The following KBTBD12 variants were observed in gnomAD, a reference collection of about 807,000 sequenced individuals.
KBTBD12 encodes the protein kelch repeat and BTB domain containing 12, also known as kelch repeat and BTB domain-containing protein 12.
KBTBD12 carries 53 observed loss-of-function variants against 58.7 expected under a neutral mutation model. That is an observed-to-expected ratio of 0.90 (90% CI 0.72 to 1.14). KBTBD12 has a LOEUF of 1.14. KBTBD12 is among the 50% of genes most tolerant of loss of function. The probability of loss-of-function intolerance (pLI) is 0.00; values close to 1 mark genes in which losing one functional copy is unlikely to be tolerated. For synonymous variants in KBTBD12, 236 were observed against 259.8 expected, an observed-to-expected ratio of 0.91 and a Z score of 0.88; for missense variants, 704 against 751.3, an observed-to-expected ratio of 0.94 and a Z score of 0.74.
Position 127,984,520 on chromosome 3 carries a change from C to T in KBTBD12, c.*242C>T, listed in dbSNP as rs1253113471. On this transcript the variant is annotated 3_prime_UTR_variant, in exon 6 of 6. Transcript: ENST00000405109. ...GGTGATGACGGCCACAGGAGGGGCA[C>T]AGGGCCACAGGAGAGCAGCAGAGGG... is the stretch of plus-strand genomic sequence containing the variant. 1.5e-5 allele frequency: 6 copies of T among 397,654 alleles called. No individual in the cohort carries two copies. The allele number at this position is 397,654 out of a possible 1,614,324, so 24.6% of individuals were successfully genotyped here. A position where few individuals can be genotyped will look rare whatever the true frequency, so the allele number is the denominator to read the frequency against.
chr3:127,939,057 A>G (rs1939886683), intron 4 of KBTBD12, among the ~76,000 whole-genome samples: 1 of 152,218 alleles, frequency 6.6e-6, no homozygotes, highest in African/African-American at 2.4e-5. Flanking sequence ...TGGCTCCGGC[A>G]TGAGTTACTG....
chr3:127,934,007 C>T (rs1000909775), intron 4 of KBTBD12, among the ~76,000 whole-genome samples: 1 of 151,234 alleles, frequency 6.6e-6, no homozygotes, highest in Non-Finnish European at 1.5e-5. Flanking sequence ...TGCCCAGTAC[C>T]AACAAAAAAT....
At chr3:127,955,103 C>T (rs1043178748) in intron 4 of KBTBD12, among the ~76,000 whole-genome samples, 2 of 152,234 alleles carry the variant, frequency 1.3e-5, no homozygotes, top group South Asian at 4.1e-4. Flanking sequence ...TGCATTTTCA[C>T]ATCTCTGTAA....
intron 4 of KBTBD12, among the ~76,000 whole-genome samples, chr3:127,954,512 C>T (rs553848878): frequency 4.6e-4 from 70 of 152,160 alleles, no homozygotes; most frequent in Non-Finnish European, 7.6e-4. Flanking sequence ...AGATCTCATA[C>T]TATTAGTTAT....
intron 5 of KBTBD12, among the ~76,000 whole-genome samples, chr3:127,979,885 A>G (rs1350755240): frequency 6.6e-6 from 1 of 152,268 alleles, no homozygotes; most frequent in Non-Finnish European, 1.5e-5. Context: ...AATACAAATT[A>G]TAGAAGTAAT....
intron 5 of KBTBD12, among the ~76,000 whole-genome samples, chr3:127,983,817 T>C (rs1439218978): frequency 1.3e-5 from 2 of 152,138 alleles, no homozygotes; most frequent in Non-Finnish European, 2.9e-5. Context: ...AGTGACCTCT[T>C]TGCAAATGCC....
chr3:127,974,872 G>A (rs1392994525), intron 5 of KBTBD12, among the ~76,000 whole-genome samples: 9 of 152,036 alleles, frequency 5.9e-5, no homozygotes, highest in East Asian at 3.9e-4. Flanking sequence ...TCAGCTACTC[G>A]GGAGGCAGGA....
At chr3:127,954,232 TTAA>T (rs774291490) in intron 4 of KBTBD12, among the ~76,000 whole-genome samples, 12 of 152,214 alleles carry the variant, frequency 7.9e-5, no homozygotes, top group Non-Finnish European at 1.5e-4. Context: ...AAATTTTAGG[TTAA>T]TATATCTTAT....
At position 127,923,067 on chromosome 3, in the gene KBTBD12, G is replaced by A; in HGVS notation, c.6G>A (p.Glu2=). 1 of 1,592,692 alleles carries A rather than the reference G, an allele frequency of 6.3e-7. No homozygotes were observed. Among genetic ancestry groups the A allele is most frequent in the African/African-American group, 1.3e-5 (1 of 74,418 alleles). M[E]CKIEGKEKYQ... is the part of the protein sequence containing the mutation. ...GAAACTTTGGAGAGTAGATCATGGAGTGCAAGATTGAGGGAAAAGAAAAAT... is the reference window on the plus strand; with the variant it reads ...GAAACTTTGGAGAGTAGATCATGGAATGCAAGATTGAGGGAAAAGAAAAAT... Residue 2 remains glutamate (E), a synonymous_variant, in exon 2 of 6, where the codon GAG becomes GAA. Transcript: ENST00000405109.
chr3:127,919,199 T>C (rs1239894236), intron 1 of KBTBD12, among the ~76,000 whole-genome samples: 2 of 152,104 alleles, frequency 1.3e-5, no homozygotes, highest in African/African-American at 4.8e-5. Context: ...CTCACTATAC[T>C]GAATTTTTTT....
intron 1 of KBTBD12, among the ~76,000 whole-genome samples, chr3:127,916,808 C>A (rs1939254731): frequency 6.6e-6 from 1 of 151,602 alleles, no homozygotes; most frequent in Non-Finnish European, 1.5e-5. Context: ...AAATCCCAGA[C>A]AGCAAATGAC....
intron 5 of KBTBD12, 110 bp downstream of exon 5, chr3:127,963,496 AGCATG>A (rs1940495176): frequency 9.3e-7 from 1 of 1,073,540 alleles, no homozygotes; most frequent in South Asian, 1.7e-5. Flanking sequence ...GCACTGCAAA[AGCATG>A]GCTTTTAGAG....
chr3:127,956,866 A>G lies in KBTBD12; in HGVS notation c.1493-6323A>G, dbSNP rs1940330946. Among the ~76,000 whole-genome samples the G allele has an allele frequency of 1.3e-5, 2 of 152,250 alleles. 1 individual carries two copies. The highest frequency in any genetic ancestry group is 4.1e-4 in the South Asian group (2 of 4,836). The stretch of plus-strand genomic sequence containing the variant: ...TCTTAGGCATGTCTTTGTGCAGCTT[A>G]ATGTGTAGAACTGTCTATATCCATG... On this transcript the variant is annotated intron_variant, in intron 4 of 5. Coordinates refer to ENST00000405109, the MANE Select transcript of KBTBD12 (RefSeq NM_207335.4).
At chr3:127,927,186 A>G (rs140084813) in intron 2 of KBTBD12, among the ~76,000 whole-genome samples, 14 of 152,284 alleles carry the variant, frequency 9.2e-5, no homozygotes, top group East Asian at 5.8e-4. Context: ...TTAAGTGCCC[A>G]GCAGACATCT....
chr3:127,918,935 G>A (rs990927173), intron 1 of KBTBD12, among the ~76,000 whole-genome samples: 4 of 152,150 alleles, frequency 2.6e-5, no homozygotes, highest in African/African-American at 4.8e-5. Context: ...CTTTATACAC[G>A]GTAGTGACCA....
rs115008713 is a variant in KBTBD12, at chr3:127,967,147, A to C, written c.1690+3761A>C. On this transcript the variant is annotated intron_variant, in intron 5 of 5. Coordinates refer to ENST00000405109, the MANE Select transcript of KBTBD12 (RefSeq NM_207335.4). ...GTGGGACCCAAGAACAGAATTAAAC[A>C]TAATAGAGAGAAAAGGAAATCAGTG... Among the ~76,000 whole-genome samples, 1,037 of 152,298 alleles carry C rather than the reference A, an allele frequency of 6.8e-3. 10 individuals are homozygous for C. The highest frequency in any genetic ancestry group is 0.023 in the African/African-American group (970 of 41,564).
chr3:127,955,834 A>ATCTCT (rs1486860147), intron 4 of KBTBD12, among the ~76,000 whole-genome samples: 1 of 152,226 alleles, frequency 6.6e-6, no homozygotes, highest in Non-Finnish European at 1.5e-5. Context: ...ATAAGGCAAT[A>ATCTCT]TCTCTTCCTC....
chr3:127,966,876 T>G (rs1393261492), intron 5 of KBTBD12, among the ~76,000 whole-genome samples: 1 of 152,224 alleles, frequency 6.6e-6, no homozygotes, highest in Non-Finnish European at 1.5e-5. Flanking sequence ...AAAACAATAG[T>G]TTTACACAAA....
At chr3:127,938,394 T>C (rs1939871904) in intron 4 of KBTBD12, among the ~76,000 whole-genome samples, 1 of 152,138 alleles carries the variant, frequency 6.6e-6, no homozygotes, top group Non-Finnish European at 1.5e-5. Flanking sequence ...ACATTAAGTA[T>C]GCATGCGAAA....
Sources: allele counts gnomAD v4.1 joint callset (sites outside exome capture counted in the v4.1 genomes callset), GRCh38; gene constraint gnomAD v4.1.1; transcripts MANE v1.5; gene names NCBI Gene and HGNC (gene_info 2026-07-23, HGNC 2026-07-21).